Variants in OPA1 observed in about 807,000 individuals in gnomAD.
The protein encoded by OPA1 is dynamin-like GTPase OPA1, mitochondrial.
A neutral mutation model predicts 152.9 loss-of-function variants in OPA1; 59 were observed. That is an observed-to-expected ratio of 0.39 (90% confidence interval 0.31 to 0.48). The LOEUF is 0.48. Among genes scored for constraint, OPA1 ranks in the 20% least tolerant of loss-of-function variants. The pLI is 0.96. For synonymous variants in OPA1, 400 were observed against 389.9 expected, an observed-to-expected ratio of 1.03 and a Z score of -0.31; for missense variants, 1,008 against 1,216.8, an observed-to-expected ratio of 0.83 and a Z score of 2.55.
At chr3:193,614,191 G>GT (rs372914032) in intron 1 of OPA1, among the ~76,000 whole-genome samples, 4 of 152,220 alleles carry the variant, frequency 2.6e-5, no homozygotes, top group African/African-American at 9.7e-5. Context: ...TTCCACCCCT[G>GT]TGCTGTCAGG....
At chr3:193,594,978 A>G (rs999035268) in intron 1 of OPA1, among the ~76,000 whole-genome samples, 6 of 152,226 alleles carry the variant, frequency 3.9e-5, no homozygotes, top group Non-Finnish European at 7.3e-5. Context: ...TATAAGAAGA[A>G]CTACAAAGAC....
chr3:193,670,629 G>A (rs926265503), intron 29 of OPA1, among the ~76,000 whole-genome samples: 1 of 152,066 alleles, frequency 6.6e-6, no homozygotes, highest in Non-Finnish European at 1.5e-5. Context: ...GCCTCCCAAA[G>A]TGCTGGAATT....
At chr3:193,645,510 G>GT in intron 16 of OPA1, 43 bp from the exon 17 acceptor site, 3 of 1,476,840 alleles carry the variant, frequency 2.0e-6, no homozygotes, top group Non-Finnish European at 2.8e-6. Context: ...TAAAACTTAT[G>GT]TAAACTATAT....
intron 23 of OPA1, 137 bp downstream of exon 23, chr3:193,657,369 A>T (rs917285732): frequency 3.7e-6 from 3 of 816,050 alleles, no homozygotes; most frequent in Non-Finnish European, 5.9e-6. Flanking sequence ...CAGATTTATG[A>T]TCTGTAATCT....
chr3:193,615,092 T>C (rs919704013), intron 2 of OPA1, 51 bp downstream of exon 2: 40 of 1,362,420 alleles, frequency 2.9e-5, no homozygotes, highest in Non-Finnish European at 4.1e-5. Context: ...ATGATTAAGT[T>C]TCTATAGCAT....
At chr3:193,672,086 G>A (rs927376878) in intron 29 of OPA1, among the ~76,000 whole-genome samples, 1 of 152,176 alleles carries the variant, frequency 6.6e-6, no homozygotes, top group Admixed American at 6.5e-5. Context: ...GATAAAATCT[G>A]TTTGGAGTCC....
Position 193,647,049 on chromosome 3 carries a change from TA to T in OPA1, c.1755-15del, listed in dbSNP as rs754115957. The T allele has an allele frequency of 7.2e-6, 11 of 1,534,966 alleles. No individual in the cohort carries two copies. The highest frequency in any genetic ancestry group is 2.3e-5 in the East Asian group (1 of 44,316). Reference sequence around the variant, plus strand: ...CATTTTAATATACTTTAGCTCTTGTTATTTTTTTTTAATAGGACAAGCATGC... The same window carrying T: ...CATTTTAATATACTTTAGCTCTTGTTTTTTTTTTTAATAGGACAAGCATGC... On this transcript the variant is annotated splice_polypyrimidine_tract_variant and intron_variant, in intron 18 of 30. Coordinates refer to ENST00000361510, the MANE Select transcript of OPA1 (RefSeq NM_130837.3).
chr3:193,605,550 C>G (rs1727124336), intron 1 of OPA1, among the ~76,000 whole-genome samples: 2 of 152,106 alleles, frequency 1.3e-5, no homozygotes, highest in Non-Finnish European at 2.9e-5. Flanking sequence ...TGGGAAGAGG[C>G]CCATAAACAT....
intron 23 of OPA1, among the ~76,000 whole-genome samples, chr3:193,658,435 T>A (rs1307066811): frequency 6.6e-6 from 1 of 152,138 alleles, no homozygotes; most frequent in East Asian, 1.9e-4. Context: ...TTATTACTTT[T>A]TTCGTTGCTG....
intron 29 of OPA1, among the ~76,000 whole-genome samples, chr3:193,684,319 T>C (rs530149987): frequency 6.6e-6 from 1 of 152,268 alleles, no homozygotes; most frequent in Non-Finnish European, 1.5e-5. Context: ...ATGAACTGTA[T>C]GTCCTCCATA....
intron 29 of OPA1, among the ~76,000 whole-genome samples, chr3:193,680,346 G>A (rs540397620): frequency 1.3e-5 from 2 of 152,288 alleles, no homozygotes; most frequent in Admixed American, 1.3e-4. Flanking sequence ...CAGTTTGACA[G>A]CAGGATGAGG....
intron 13 of OPA1, 27 bp downstream of exon 13, chr3:193,643,076 C>A: frequency 6.5e-7 from 1 of 1,540,494 alleles, no homozygotes; most frequent in Non-Finnish European, 9.0e-7. Flanking sequence ...ATTTCAGTGA[C>A]GTTTTATGGA....
Position 193,666,394 on chromosome 3 carries a change from G to A in OPA1, c.2872+5G>A. ...AACAACTTACAAATACTGAAGGTAA[G>A]CCACATAGGGACTGCAGTCTTATTT... On this transcript the variant is annotated splice_donor_5th_base_variant and intron_variant, in intron 28 of 30. Transcript: ENST00000361510. 1 of 1,602,344 alleles carries A rather than the reference G, an allele frequency of 6.2e-7. No homozygotes were observed. Among genetic ancestry groups the A allele is most frequent in the Non-Finnish European group, 8.6e-7 (1 of 1,169,310 alleles).
At chr3:193,681,823 C>T (rs1242034386) in intron 29 of OPA1, among the ~76,000 whole-genome samples, 10 of 152,208 alleles carry the variant, frequency 6.6e-5, no homozygotes, top group African/African-American at 2.4e-4. Flanking sequence ...AATCAGTAAA[C>T]GTGTGTATTC....
At chr3:193,693,099 TAGA>T (rs1480890071) in intron 30 of OPA1, among the ~76,000 whole-genome samples, 5 of 152,178 alleles carry the variant, frequency 3.3e-5, no homozygotes, top group Non-Finnish European at 5.9e-5. Context: ...GGCTCAGAAC[TAGA>T]AGGAGTAGAA....
In OPA1 at chr3:193,643,644, G is replaced by A. The variant is rs1560374111; in HGVS notation, c.1477+17G>A. On this transcript the variant is annotated intron_variant, in intron 15 of 30. Coordinates refer to ENST00000361510, the MANE Select transcript of OPA1 (RefSeq NM_130837.3). ...GTATTCAAGGTAAATCATATCAAAA[G>A]ATTTTAATGTACTGATATGTTTTCT... is the stretch of plus-strand genomic sequence containing the variant. The A allele has an allele frequency of 1.9e-6, 3 of 1,574,866 alleles. No individual in the cohort carries two copies. Among genetic ancestry groups the A allele is most frequent in the South Asian group, 1.1e-5 (1 of 90,162 alleles).
rs1367772045 is a variant in OPA1 at position 193,614,950 on chromosome 3, AT to A, written c.265del (p.Trp89GlyfsTer5). The A allele has an allele frequency of 6.2e-7, 1 of 1,614,108 alleles. No individual in the cohort carries two copies. The highest frequency in any genetic ancestry group is 1.3e-5 in the African/African-American group (1 of 75,054). ...AAATATGGCTACCAGCCTCGCAGGA[AT>A]TTTTGGCCAGCAAGATTAGCTACGA... ...PIKYGYQPRR[N>X]FWPARLATRL... is the part of the protein sequence containing the mutation. On this transcript the variant is annotated frameshift_variant, in exon 2 of 31. Transcript: ENST00000361510. LOFTEE classifies it high-confidence loss of function.
At chr3:193,631,726 G>T (rs1204863809) in intron 8 of OPA1, 61 bp downstream of exon 8, 1 of 1,397,776 alleles carries the variant, frequency 7.2e-7, no homozygotes, top group African/African-American at 1.4e-5. Context: ...ATGTAACTTT[G>T]GTGATATGGA....
intron 29 of OPA1, among the ~76,000 whole-genome samples, chr3:193,684,325 C>T (rs1012140713): frequency 1.3e-5 from 2 of 152,076 alleles, no homozygotes; most frequent in African/African-American, 4.8e-5. Context: ...TGTATGTCCT[C>T]CATACAGTCT....
Sources: gnomAD v4.1 joint callset for allele counts (sites outside exome capture counted in the v4.1 genomes callset) on GRCh38, gnomAD v4.1.1 for gene constraint, MANE v1.5 for transcripts, NCBI Gene and HGNC (gene_info 2026-07-23, HGNC 2026-07-21) for gene names.